The following AMDHD1 variants were observed in gnomAD, a reference collection of about 807,000 sequenced individuals.
AMDHD1 encodes the protein amidohydrolase domain containing 1, also known as probable imidazolonepropionase.
Under a neutral mutation model 44.1 loss-of-function variants are expected in AMDHD1, and 45 were observed. The ratio of observed to expected loss-of-function variants is 1.02; its 90% confidence interval spans 0.80 to 1.31. The LOEUF is 1.31. AMDHD1 is among the 50% of genes most tolerant of loss of function. The pLI is 0.00. For synonymous variants in AMDHD1, 206 were observed against 205.0 expected (o/e 1.00, Z -0.04); for missense variants, 586 against 552.1 (o/e 1.06, Z -0.61).
At chr12:95,958,020 T>C (rs7956613) in intron 4 of AMDHD1, among the ~76,000 whole-genome samples, 81,330 of 152,064 alleles carry the variant, frequency 0.53, 22,370 homozygotes, top group African/African-American at 0.66. Context: ...GCCACTGTAC[T>C]CCAGCCTGGG....
At position 95,963,643 on chromosome 12, in the gene AMDHD1, A is replaced by G. The variant is rs369818477; in HGVS notation, c.938+1164A>G. ...GTTCTTGGTATGACCAACGTCTTAT[A>G]CATTTCAAGTGTCATCAGTCTAAGT... On this transcript the variant is annotated intron_variant, in intron 6 of 8. Transcript: ENST00000266736. Among the ~76,000 whole-genome samples the G allele has an allele frequency of 9.8e-5, 15 of 152,364 alleles. No homozygotes were observed. In the East Asian group the frequency reaches 1.7e-3, roughly 18 times the overall value.
chr12:95,954,862 A>C, intron 2 of AMDHD1, 49 bp from the exon 3 acceptor site: 1 of 1,581,390 alleles, frequency 6.3e-7, no homozygotes, highest in Non-Finnish European at 8.7e-7. Context: ...CTGCTGTCTA[A>C]GTGCTCTCTA....
chr12:95,957,042 T>C (rs1166032012), intron 4 of AMDHD1, 80 bp downstream of exon 4: 1 of 1,561,358 alleles, frequency 6.4e-7, no homozygotes, highest in Non-Finnish European at 8.7e-7. Flanking sequence ...ATTAGCACTT[T>C]AGCTCTTGCA....
At chr12:95,950,104 TTTG>T (rs1405927717) in intron 1 of AMDHD1, among the ~76,000 whole-genome samples, 1 of 152,212 alleles carries the variant, frequency 6.6e-6, no homozygotes, top group Non-Finnish European at 1.5e-5. Flanking sequence ...GAGCATTCTC[TTTG>T]TTCTTTCCCA....
In AMDHD1 at chr12:95,963,860, G is replaced by A. The variant is rs139902366; in HGVS notation, c.938+1381G>A. 9.2e-5 allele frequency among the ~76,000 whole-genome samples: 14 copies of A among 152,092 alleles called. No individual in the cohort carries two copies. In the East Asian group the frequency reaches 1.6e-3, roughly 17 times the overall value. On this transcript the variant is annotated intron_variant, in intron 6 of 8. Coordinates refer to ENST00000266736, the MANE Select transcript of AMDHD1 (RefSeq NM_152435.3). ...AGACTGGCCAACATGGTTGAACTCC[G>A]TCTCTATTAAAATACAAATTTAGCT...
At chr12:95,964,928 C>CAAAAAAAAG (rs2080601474) in intron 6 of AMDHD1, among the ~76,000 whole-genome samples, 1 of 35,832 alleles carries the variant, frequency 2.8e-5, no homozygotes, top group Non-Finnish European at 4.6e-5. Context: ...ATGTTTGAGG[C>CAAAAAAAAG]AAAAAAAAAA....
intron 1 of AMDHD1, among the ~76,000 whole-genome samples, chr12:95,948,401 G>A (rs1477437205): frequency 6.3e-5 from 4 of 63,668 alleles, no homozygotes; most frequent in Non-Finnish European, 8.8e-5. Context: ...GGCCCCGTCC[G>A]GGAGGTGAGG....
chr12:95,961,277 TTCTGTGG>T (rs2080580486), intron 5 of AMDHD1, among the ~76,000 whole-genome samples: 1 of 152,242 alleles, frequency 6.6e-6, no homozygotes, highest in Non-Finnish European at 1.5e-5. Flanking sequence ...TTTCAGATCT[TTCTGTGG>T]CAGCATCCAA....
In AMDHD1 at chr12:95,967,814, G is replaced by A; in HGVS notation, c.1252G>A (p.Ala418Thr). 3.1e-6 allele frequency: 5 copies of A among 1,590,172 alleles called. No individual in the cohort carries two copies. Among genetic ancestry groups the A allele is most frequent in the Non-Finnish European group, 4.3e-6 (5 of 1,170,442 alleles). ...GHHELIEYVI[A>T]KGKLIYKT ...TCATGAATTAATTGAATATGTTATA[G>A]CTAAAGGAAAACTCATCTATAAAAC... The change falls in exon 9 of 9, where the codon GCT becomes ACT. Residue 418 changes from alanine (A) to threonine (T), a missense_variant. Ala to Thr is a moderately conservative substitution (Grantham distance 58). Transcript: ENST00000266736.
At position 95,960,421 on chromosome 12, in the gene AMDHD1, C is replaced by CTGA. The variant is rs1315585958; in HGVS notation, c.615_617dup (p.Asp206dup). ...AGAGGAAAAACTGCTACTGAAGCTG[C>CTGA]TGATGACATCATCAATAACCACCTC... On this transcript the variant is annotated inframe_insertion, in exon 5 of 9. Transcript: ENST00000266736. The CTGA allele has an allele frequency of 6.2e-7, 1 of 1,614,186 alleles. No individual in the cohort carries two copies. The highest frequency in any genetic ancestry group is 2.2e-5 in the East Asian group (1 of 44,880).
chr12:95,947,605 G>T (rs1182148251), intron 1 of AMDHD1, among the ~76,000 whole-genome samples: 1 of 57,852 alleles, frequency 1.7e-5, no homozygotes, highest in Non-Finnish European at 3.1e-5. Context: ...GGACAGCCGT[G>T]CCGTCCAGGA....
chr12:95,960,372 C>T, intron 4 of AMDHD1, 26 bp from the exon 5 acceptor site: 3 of 1,600,240 alleles, frequency 1.9e-6, no homozygotes, highest in African/African-American at 1.3e-5. Context: ...AATATTTGCC[C>T]ATGGCAATCT....
rs2136764814 is a variant in AMDHD1 at position 95,956,820 on chromosome 12, G to A, written c.445G>A (p.Gly149Ser). ...ACGGCTCCAGTGCATGATGAGGGCT[G>A]GCACCACGCTGGTGGAGTGCAAGAG... ...QQRLQCMMRA[G>S]TTLVECKSGY... Residue 149 changes from glycine (G) to serine (S), a missense_variant, in exon 4 of 9, where the codon GGC becomes AGC. Transcript: ENST00000266736. The A allele has an allele frequency of 6.2e-7, 1 of 1,614,200 alleles. No homozygotes were observed. The highest frequency in any genetic ancestry group is 8.5e-7 in the Non-Finnish European group (1 of 1,180,032).
Position 95,956,908 on chromosome 12 carries a change from G to T in AMDHD1, c.533G>T (p.Arg178Leu). 6.2e-7 allele frequency: 1 copy of T among 1,613,186 alleles called. No individual in the cohort carries two copies. Among genetic ancestry groups the T allele is most frequent in the South Asian group, 1.1e-5 (1 of 91,038 alleles). ...CTGCGCGTGATTGAGCGCGCCCGGC[G>T]GGAGCTGGACATCGGCATCTCGGCT... Reference protein sequence around the residue: ...KMLRVIERARRELDIGISATY... With the variant: ...KMLRVIERARLELDIGISATY... The change falls in exon 4 of 9, where the codon CGG becomes CTG. Residue 178 changes from arginine to leucine, a missense_variant. By Grantham distance (102) the Arg-to-Leu change is moderately radical. Transcript: ENST00000266736.
At chr12:95,963,354 G>A (rs7965042) in intron 6 of AMDHD1, among the ~76,000 whole-genome samples, 81,256 of 151,948 alleles carry the variant, frequency 0.53, 22,338 homozygotes, top group African/African-American at 0.66. Context: ...GTAGAGGCCA[G>A]GGTTGCTGCT....
chr12:95,965,865 C>A, intron 7 of AMDHD1, 86 bp downstream of exon 7: 1 of 912,428 alleles, frequency 1.1e-6, no homozygotes, highest in Non-Finnish European at 1.6e-6. Flanking sequence ...GCTTTTAAAA[C>A]AGTATAAAAA....
intron 1 of AMDHD1, among the ~76,000 whole-genome samples, chr12:95,945,784 T>TA (rs1491489211): frequency 5.1e-5 from 1 of 19,722 alleles, no homozygotes; most frequent in East Asian, 0.1. Context: ...ACAGTGTGTG[T>TA]TTTTTTTTTT....
At position 95,962,336 on chromosome 12, in the gene AMDHD1, C is replaced by G. The variant is rs375301987; in HGVS notation, c.814-19C>G. 21 of 1,605,284 alleles carry G rather than the reference C, an allele frequency of 1.3e-5. No homozygotes were observed. In the African/African-American group the frequency reaches 2.4e-4, roughly 18 times the overall value. ...GTTGCTATTTGTTAAATCTTTCCCT[C>G]TCTGCCCATTCTCCTTAGCTTGGGG... is the stretch of plus-strand genomic sequence containing the variant. On this transcript the variant is annotated intron_variant, in intron 5 of 8. Coordinates refer to ENST00000266736, the MANE Select transcript of AMDHD1 (RefSeq NM_152435.3).
At chr12:95,946,500 GA>G (rs1304249944) in intron 1 of AMDHD1, among the ~76,000 whole-genome samples, 1 of 151,744 alleles carries the variant, frequency 6.6e-6, no homozygotes, top group Admixed American at 6.6e-5. Context: ...CAAGACACAT[GA>G]AAAGATAATT....
Sources: allele counts gnomAD v4.1 joint callset (sites outside exome capture counted in the v4.1 genomes callset), GRCh38; gene constraint gnomAD v4.1.1; transcripts MANE v1.5; gene names NCBI Gene and HGNC (gene_info 2026-07-23, HGNC 2026-07-21).